RGR: variants seen among roughly 807,000 people sequenced by gnomAD.
The protein encoded by RGR is RPE-retinal G protein-coupled receptor.
In RGR, 30 loss-of-function variants were observed where a neutral mutation model predicts 28.6. The observed-to-expected ratio is 1.05, with a 90% CI of 0.78 to 1.42. RGR has a LOEUF of 1.42. Among genes scored for constraint, RGR ranks in the 40% most tolerant of loss-of-function variants. The pLI is 0.00. For missense variants in RGR, 404 were observed against 375.6 expected, an observed-to-expected ratio of 1.08 and a Z score of -0.62; for synonymous variants, 180 against 156.4, an observed-to-expected ratio of 1.15 and a Z score of -1.13.
Position 84,259,010 on chromosome 10 carries a change from C to T in RGR, c.*371C>T, listed in dbSNP as rs1215634602. The T allele has an allele frequency of 6.4e-6, 2 of 312,480 alleles. No homozygotes were observed. The allele number at this position is 312,480 out of a possible 1,614,324, so 19.4% of individuals were successfully genotyped here. On this transcript the variant is annotated 3_prime_UTR_variant, in exon 7 of 7. Coordinates refer to ENST00000652092, the MANE Select transcript of RGR (RefSeq NM_001012720.2). Reference sequence around the variant, plus strand: ...ATACGTTGTACCCATTAAGTTATTTCTCATCCCTCACCCCCTCCCACCTTG... The same window carrying T: ...ATACGTTGTACCCATTAAGTTATTTTTCATCCCTCACCCCCTCCCACCTTG...
intron 3 of RGR, among the ~76,000 whole-genome samples, chr10:84,249,389 T>C (rs1564548997): frequency 6.6e-6 from 1 of 152,356 alleles, no homozygotes; most frequent in African/African-American, 2.4e-5. Context: ...CTCGGCTCAC[T>C]GCAACCTCGG....
intron 3 of RGR, among the ~76,000 whole-genome samples, chr10:84,249,707 C>G (rs1003059413): frequency 5.3e-5 from 8 of 152,232 alleles, no homozygotes; most frequent in Non-Finnish European, 1.2e-4. Flanking sequence ...ACTCTGCAGA[C>G]AGGCGCAGAG....
At chr10:84,247,992 G>C (rs1285099914) in intron 2 of RGR, 1 of 651,974 alleles carries the variant, frequency 1.5e-6, no homozygotes, top group African/African-American at 1.8e-5. Context: ...AATGGTGTGG[G>C]TTCTGTAACC....
intron 2 of RGR, chr10:84,248,591 C>T (rs1842776361): frequency 2.3e-6 from 1 of 432,172 alleles, no homozygotes; most frequent in Non-Finnish European, 4.3e-6. Context: ...ACCTTGGCTT[C>T]AGTATCTTTG....
At chr10:84,258,477 G>A in intron 6 of RGR, 31 bp from the exon 7 acceptor site, 2 of 1,614,114 alleles carry the variant, frequency 1.2e-6, no homozygotes, top group Non-Finnish European at 1.7e-6. Flanking sequence ...TGGCTTTGAA[G>A]CTTCTTTTCT....
At chr10:84,247,901 T>G in intron 2 of RGR, 154 bp downstream of exon 2, 1 of 1,080,188 alleles carries the variant, frequency 9.3e-7, no homozygotes, top group South Asian at 1.3e-5. Context: ...AATTCCAGAT[T>G]GATTCTGAAG....
At chr10:84,248,864 G>A (rs1417529486) in intron 2 of RGR, 58 bp from the exon 3 acceptor site, 1 of 1,614,184 alleles carries the variant, frequency 6.2e-7, no homozygotes, top group Non-Finnish European at 8.5e-7. Flanking sequence ...GTACTTGGCA[G>A]GTGTGGGAGG....
intron 2 of RGR, chr10:84,248,421 G>C (rs942281973): frequency 8.7e-6 from 2 of 229,048 alleles, no homozygotes; most frequent in Admixed American, 5.2e-5. Context: ...GGAGGCTGGA[G>C]CCCCCCCGGA....
At chr10:84,257,417 C>T (rs1236686197) in intron 5 of RGR, among the ~76,000 whole-genome samples, 1 of 152,196 alleles carries the variant, frequency 6.6e-6, no homozygotes, top group Non-Finnish European at 1.5e-5. Context: ...CACGCAGTCA[C>T]AGAGCCCAGG....
intron 1 of RGR, among the ~76,000 whole-genome samples, chr10:84,246,463 T>C (rs182213157): frequency 1.7e-4 from 26 of 152,332 alleles, no homozygotes; most frequent in Non-Finnish European, 3.2e-4. Context: ...CTCCCACTTG[T>C]AACTGAGAAC....
intron 1 of RGR, 82 bp downstream of exon 1, chr10:84,245,251 G>A (rs531132210): frequency 2.8e-5 from 40 of 1,436,404 alleles, no homozygotes; most frequent in Non-Finnish European, 3.6e-5. Flanking sequence ...CTGGCAAGGA[G>A]AGGAGAGGTC....
intron 5 of RGR, among the ~76,000 whole-genome samples, chr10:84,255,686 G>GCAA (rs1463943232): frequency 6.8e-6 from 1 of 146,824 alleles, no homozygotes; most frequent in African/African-American, 2.5e-5. Context: ...TTATTTCTTT[G>GCAA]CAACCACTCT....
intron 5 of RGR, among the ~76,000 whole-genome samples, chr10:84,255,818 G>A (rs992977980): frequency 6.7e-6 from 1 of 148,912 alleles, no homozygotes; most frequent in African/African-American, 2.5e-5. Context: ...TCCGCCTCTG[G>A]GGTTCAAGCG....
At chr10:84,254,490 C>T in intron 5 of RGR, 47 bp downstream of exon 5, 4 of 1,486,334 alleles carry the variant, frequency 2.7e-6, no homozygotes, top group Non-Finnish European at 2.8e-6. Context: ...AGCGCAGCTC[C>T]AGGCTCTTGG....
intron 5 of RGR, among the ~76,000 whole-genome samples, chr10:84,254,899 G>C (rs754495127): frequency 6.6e-6 from 1 of 152,108 alleles, no homozygotes; most frequent in Non-Finnish European, 1.5e-5. Context: ...ATGCACATGC[G>C]CATCTCTGAG....
chr10:84,254,205 G>A (rs1367631770), intron 4 of RGR, 121 bp from the exon 5 acceptor site: 7 of 875,496 alleles, frequency 8.0e-6, no homozygotes, highest in East Asian at 2.4e-5. Context: ...ACCACACTGC[G>A]AGCTTGTCTG....
chr10:84,252,976 A>G lies in RGR; in HGVS notation c.478A>G (p.Thr160Ala), dbSNP rs779703570. The G allele has an allele frequency of 2.5e-6, 4 of 1,613,900 alleles. No individual in the cohort carries two copies. Among genetic ancestry groups the G allele is most frequent in the Non-Finnish European group, 3.4e-6 (4 of 1,180,030 alleles). Residue 160 changes from threonine (T) to alanine (A), a missense_variant, in exon 4 of 7, where the codon ACA becomes GCA. Thr to Ala is a moderately conservative substitution (Grantham distance 58). Coordinates refer to ENST00000652092, the MANE Select transcript of RGR (RefSeq NM_001012720.2). ...WGHYDYEPLG[T>A]CCTLDYSKGD... ...TCACTACGACTATGAGCCACTGGGG[A>G]CATGCTGCACCCTGGACTACTCCAA...
In RGR at chr10:84,251,285, A is replaced by G. The variant is rs117482375; in HGVS notation, c.359-1572A>G. Among the ~76,000 whole-genome samples, 1,433 of 152,258 alleles carry G rather than the reference A, an allele frequency of 9.4e-3. 11 individuals are homozygous for G. The highest frequency in any genetic ancestry group is 0.017 in the Middle Eastern group (5 of 294). On this transcript the variant is annotated intron_variant, in intron 3 of 6. Transcript: ENST00000652092. ...AAGAACTGACATCTTAACTATATTG[A>G]GTCTTCCTGTCCTTGCACGTAATTA...
chr10:84,252,056 C>T (rs1842824690), intron 3 of RGR, among the ~76,000 whole-genome samples: 1 of 152,206 alleles, frequency 6.6e-6, no homozygotes, highest in South Asian at 2.1e-4. Flanking sequence ...CTGGGAAGTG[C>T]ATCCTGAAGC....
Sources: allele counts gnomAD v4.1 joint callset (sites outside exome capture counted in the v4.1 genomes callset), GRCh38; gene constraint gnomAD v4.1.1; transcripts MANE v1.5; gene names NCBI Gene and HGNC (gene_info 2026-07-23, HGNC 2026-07-21).